The following NRCAM variants were observed in gnomAD, a reference collection of about 807,000 sequenced individuals.
NRCAM encodes neuronal cell adhesion molecule, also known as NgCAM-related cell adhesion molecule.
NRCAM carries 83 observed loss-of-function variants against 156.5 expected under a neutral mutation model. The observed-to-expected ratio is 0.53, with a 90% CI of 0.44 to 0.64. The LOEUF (loss-of-function observed/expected upper bound fraction) is 0.64, where lower values mean the gene tolerates loss of function less well. Among genes scored for constraint, NRCAM ranks in the 30% least tolerant of loss-of-function variants. NRCAM has a pLI of 0.00. For missense variants in NRCAM, 1,417 were observed against 1,597.3 expected (o/e 0.89, Z 1.92); for synonymous variants, 538 against 563.9 (o/e 0.95, Z 0.65).
At chr7:108,288,729 C>G (rs1173736323) in intron 3 of NRCAM, among the ~76,000 whole-genome samples, 1 of 152,050 alleles carries the variant, frequency 6.6e-6, no homozygotes, top group African/African-American at 2.4e-5. Context: ...GAGAGTTCTC[C>G]ATTAGTCTTT....
chr7:108,293,861 T>C lies in NRCAM; in HGVS notation c.-107+18804A>G. 1.3e-5 allele frequency among the ~76,000 whole-genome samples: 2 copies of C among 152,128 alleles called. 1 individual carries two copies. The highest frequency in any genetic ancestry group is 2.9e-5 in the Non-Finnish European group (2 of 68,020). Reference sequence around the variant, plus strand: ...AGTTAGATACCGGCTTGATTTCAGGTCTTCTAATTTTAAACTCAGGGCTCT... The same window carrying C: ...AGTTAGATACCGGCTTGATTTCAGGCCTTCTAATTTTAAACTCAGGGCTCT... On this transcript the variant is annotated intron_variant, in intron 3 of 32. Coordinates refer to ENST00000379028, the MANE Select transcript of NRCAM (RefSeq NM_001037132.4).
At chr7:108,453,052 GTAGC>G (rs1441026916) in intron 1 of NRCAM, among the ~76,000 whole-genome samples, 1 of 152,232 alleles carries the variant, frequency 6.6e-6, no homozygotes, top group East Asian at 1.9e-4. Context: ...GATGAAGTAT[GTAGC>G]TAGATGATAA....
chr7:108,394,244 C>T (rs1596307101), intron 2 of NRCAM, among the ~76,000 whole-genome samples: 1 of 152,304 alleles, frequency 6.6e-6, no homozygotes, highest in Non-Finnish European at 1.5e-5. Context: ...CTCCAAGAAG[C>T]TGGAGAAAGA....
At chr7:108,404,091 C>G (rs1033894993) in intron 1 of NRCAM, among the ~76,000 whole-genome samples, 5 of 152,146 alleles carry the variant, frequency 3.3e-5, no homozygotes, top group African/African-American at 1.2e-4. Flanking sequence ...CCTCACTCCA[C>G]TAATTGGATA....
At chr7:108,420,760 T>C (rs1162766561) in intron 1 of NRCAM, among the ~76,000 whole-genome samples, 1 of 152,246 alleles carries the variant, frequency 6.6e-6, no homozygotes, top group Non-Finnish European at 1.5e-5. Flanking sequence ...AGAAACCCAA[T>C]TAATGCGTGC....
chr7:108,339,902 T>G (rs1447822358), intron 2 of NRCAM, among the ~76,000 whole-genome samples: 2 of 152,164 alleles, frequency 1.3e-5, no homozygotes, highest in Non-Finnish European at 2.9e-5. Flanking sequence ...ACGACTTATA[T>G]TCTTCTGCAT....
At chr7:108,188,366 A>G (rs2068593026) in intron 20 of NRCAM, among the ~76,000 whole-genome samples, 1 of 141,534 alleles carries the variant, frequency 7.1e-6, no homozygotes, top group African/African-American at 2.6e-5. Flanking sequence ...CCTTGAAGGT[A>G]GATCTGAGTC....
intron 2 of NRCAM, among the ~76,000 whole-genome samples, chr7:108,384,437 T>C (rs1278280682): frequency 6.6e-6 from 1 of 152,068 alleles, no homozygotes; most frequent in Non-Finnish European, 1.5e-5. Flanking sequence ...TATTTCCATA[T>C]GAATTTGAAG....
At chr7:108,228,011 G>A (rs576256716) in intron 8 of NRCAM, among the ~76,000 whole-genome samples, 11 of 152,180 alleles carry the variant, frequency 7.2e-5, no homozygotes, top group South Asian at 2.1e-4. Context: ...ATTAGTTCCC[G>A]GGAAAAGGAC....
intron 3 of NRCAM, among the ~76,000 whole-genome samples, chr7:108,264,016 C>T (rs561613048): frequency 1.3e-5 from 2 of 152,122 alleles, no homozygotes; most frequent in South Asian, 4.2e-4. Flanking sequence ...GATGGAGTCT[C>T]ACTCTGGCTG....
intron 1 of NRCAM, among the ~76,000 whole-genome samples, chr7:108,454,975 G>A (rs1170324989): frequency 6.6e-6 from 1 of 152,192 alleles, no homozygotes; most frequent in Non-Finnish European, 1.5e-5. Context: ...CGAAAGAAAC[G>A]CCACCGCTCG....
At position 108,232,561 on chromosome 7, in the gene NRCAM, A is replaced by C. The variant is rs550763357; in HGVS notation, c.231-39T>G. On this transcript the variant is annotated intron_variant, in intron 6 of 32. Coordinates refer to ENST00000379028, the MANE Select transcript of NRCAM (RefSeq NM_001037132.4). The stretch of plus-strand genomic sequence containing the variant: ...GAAGTGTTAAGTGTATTAATGGTCC[A>C]GAAAAATGGGATTACCTTAACAAAT... 3.7e-4 allele frequency: 523 copies of C among 1,428,900 alleles called. 13 individuals are homozygous for C. The South Asian group carries it at 6.9e-3, about 19-fold the overall frequency. 88.5% of individuals were successfully genotyped at this position (1,428,900 alleles called of 1,614,324 possible). A position where few individuals can be genotyped will look rare whatever the true frequency, so the allele number is the denominator to read the frequency against.
intron 13 of NRCAM, 109 bp from the exon 14 acceptor site, chr7:108,198,208 G>C (rs2076140752): frequency 2.7e-6 from 2 of 753,846 alleles, no homozygotes; most frequent in African/African-American, 3.5e-5. Context: ...AGTACATGCA[G>C]TAAGAATAAG....
At chr7:108,357,443 G>A (rs2099513009) in intron 2 of NRCAM, among the ~76,000 whole-genome samples, 1 of 150,736 alleles carries the variant, frequency 6.6e-6, no homozygotes, top group African/African-American at 2.4e-5. Flanking sequence ...AAGCAATTCT[G>A]CTTCAGCTTC....
chr7:108,283,605 G>GATCAC (rs2097945024), intron 3 of NRCAM, among the ~76,000 whole-genome samples: 1 of 152,138 alleles, frequency 6.6e-6, no homozygotes, highest in South Asian at 2.1e-4. Context: ...CTTCCAGGAG[G>GATCAC]GTCCTGAATG....
intron 2 of NRCAM, among the ~76,000 whole-genome samples, chr7:108,336,855 G>C (rs528668547): frequency 6.6e-6 from 1 of 151,990 alleles, no homozygotes; most frequent in African/African-American, 2.4e-5. Flanking sequence ...TGAATTAAAA[G>C]ATAATTTTAA....
chr7:108,234,927 C>T, intron 5 of NRCAM: 1 of 649,878 alleles, frequency 1.5e-6, no homozygotes. Flanking sequence ...TCCATTTTCT[C>T]ACACTAAAAG....
chr7:108,149,948 C>A lies in NRCAM; in HGVS notation c.3877G>T (p.Ala1293Ser). 1 of 1,613,552 alleles carries A rather than the reference C, an allele frequency of 6.2e-7. No individual in the cohort carries two copies. Among genetic ancestry groups the A allele is most frequent in the African/African-American group, 1.3e-5 (1 of 74,982 alleles). The part of the protein sequence containing the change: ...EPAEGNESSE[A>S]PSPVNAMNSF... ...TTCATGGCGTTGACAGGAGAAGGTG[C>A]CTCTGAGCTTTCGTTTCCTTCAGCC... The change falls in exon 33 of 33, where the codon GCA becomes TCA. Residue 1293 changes from alanine to serine, a missense_variant. Transcript: ENST00000379028.
chr7:108,440,976 C>G (rs1283783703), intron 1 of NRCAM, among the ~76,000 whole-genome samples: 1 of 152,168 alleles, frequency 6.6e-6, no homozygotes, highest in Non-Finnish European at 1.5e-5. Context: ...GCGATCTGGA[C>G]ACCATGAAGC....
Sources: gnomAD v4.1 joint callset for allele counts (sites outside exome capture counted in the v4.1 genomes callset) on GRCh38, gnomAD v4.1.1 for gene constraint, MANE v1.5 for transcripts, NCBI Gene and HGNC (gene_info 2026-07-23, HGNC 2026-07-21) for gene names.